The following POLL variants were observed in gnomAD, a reference collection of about 807,000 sequenced individuals.
POLL encodes the protein DNA polymerase lambda.
POLL carries 44 observed loss-of-function variants against 58.1 expected under a neutral mutation model. The ratio of observed to expected loss-of-function variants is 0.76; its 90% CI spans 0.60 to 0.97. The LOEUF is 0.97. Among genes scored for constraint, POLL ranks in the 50% least tolerant of loss-of-function variants. POLL has a pLI of 0.00. For missense variants in POLL, 632 were observed against 736.8 expected, an observed-to-expected ratio of 0.86 and a Z score of 1.65; for synonymous variants, 290 against 283.2, an observed-to-expected ratio of 1.02 and a Z score of -0.24.
rs1229005605 is a variant in POLL at position 101,579,877 on chromosome 10, T to C, written c.1364-60A>G. Reference sequence around the variant, plus strand: ...GAACCAGGCCTGGGCTGTCCCATCCTCCCAGGTCTCTCCTGATGTCTAAGC... The same window carrying C: ...GAACCAGGCCTGGGCTGTCCCATCCCCCCAGGTCTCTCCTGATGTCTAAGC... On this transcript the variant is annotated intron_variant, in intron 8 of 8. Transcript: ENST00000370162. The surrounding 1 kb of genome is among the most constrained non-coding windows in gnomAD (Gnocchi z 4.4). 1.3e-6 allele frequency: 2 copies of C among 1,551,386 alleles called. No homozygotes were observed. The highest frequency in any genetic ancestry group is 2.7e-5 in the African/African-American group (2 of 73,260).
Position 101,588,069 on chromosome 10 carries a change from G to A in POLL, c.-294C>T. ...AGCTGGCGCAGGCCAGGGAATCCCA[G>A]CTCGGGGCTAGAAGAAAGCTGGAGT... is the stretch of plus-strand genomic sequence containing the variant. On this transcript the variant is annotated 5_prime_UTR_variant, in exon 1 of 9. Coordinates refer to ENST00000370162, the MANE Select transcript of POLL (RefSeq NM_001174084.2). 2 of 1,463,418 alleles carry A rather than the reference G, an allele frequency of 1.4e-6. No individual in the cohort carries two copies. Among genetic ancestry groups the A allele is most frequent in the South Asian group, 1.2e-5 (1 of 82,466 alleles). The allele number at this position is 1,463,418 out of a possible 1,614,324, so 90.7% of individuals were successfully genotyped here. A position where few individuals can be genotyped will look rare whatever the true frequency, so the allele number is the denominator to read the frequency against.
rs572080149 is a variant in POLL, at chr10:101,585,783, T to C, written c.410+79A>G. On this transcript the variant is annotated intron_variant, in intron 3 of 8. Transcript: ENST00000370162. The stretch of plus-strand genomic sequence containing the variant: ...GCCTGGCTAATTTTTTAATTAATGA[T>C]AGTTATTTTTAATAATTCAAGAAAA... 2.4e-6 allele frequency: 3 copies of C among 1,249,198 alleles called. No homozygotes were observed. In the African/African-American group the frequency reaches 4.6e-5, roughly 19 times the overall value. 77.4% of individuals were successfully genotyped at this position (1,249,198 alleles called of 1,614,324 possible). A position where few individuals can be genotyped will look rare whatever the true frequency, so the allele number is the denominator to read the frequency against.
At position 101,580,343 on chromosome 10, in the gene POLL, G is replaced by A. The variant is rs142388822; in HGVS notation, c.1268C>T (p.Ala423Val). The change falls in exon 8 of 9, where the codon GCG becomes GTG. Residue 423 changes from alanine to valine, a missense_variant. Coordinates refer to ENST00000370162, the MANE Select transcript of POLL (RefSeq NM_001174084.2). The surrounding 1 kb of genome is among the most constrained non-coding windows in gnomAD (Gnocchi z 4.1). ...VACGSYRRGK[A>V]TCGDVDVLIT... ...GAGCACGTCGACATCACCACAGGTC[G>A]CCTTTCCCCGTCGGTATGAACCACA... is the stretch of plus-strand genomic sequence containing the variant. 3.9e-5 allele frequency: 63 copies of A among 1,614,012 alleles called. No individual in the cohort carries two copies. The highest frequency in any genetic ancestry group is 2.7e-4 in the African/African-American group (20 of 75,046).
Position 101,586,013 on chromosome 10 carries a change from C to T in POLL, c.259G>A (p.Glu87Lys), listed in dbSNP as rs2063308190. ...GPGVTHIVVD[E>K]GMDYERALRL... Reference sequence around the variant, plus strand: ...AGGGCTCGCTCATAGTCCATGCCTTCATCCACCACAATGTGAGTGACACCT... The same window carrying T: ...AGGGCTCGCTCATAGTCCATGCCTTTATCCACCACAATGTGAGTGACACCT... The change falls in exon 3 of 9, where the codon GAA becomes AAA. Residue 87 changes from glutamate (E) to lysine (K), a missense_variant. By Grantham distance (56) the Glu-to-Lys change is moderately conservative. Coordinates refer to ENST00000370162, the MANE Select transcript of POLL (RefSeq NM_001174084.2). 6.2e-7 allele frequency: 1 copy of T among 1,614,006 alleles called. No homozygotes were observed. Among genetic ancestry groups the T allele is most frequent in the Non-Finnish European group, 8.5e-7 (1 of 1,180,034 alleles).
At position 101,586,025 on chromosome 10, in the gene POLL, TGTGA is replaced by T. The variant is rs764072990; in HGVS notation, c.243_246del (p.His82LeufsTer28). On this transcript the variant is annotated frameshift_variant, in exon 3 of 9. Transcript: ENST00000370162. LOFTEE classifies it high-confidence loss of function. ...TAGTCCATGCCTTCATCCACCACAA[TGTGA>T]GTGACACCTGGGCCCTGGGCAGGGC... 1 of 1,614,048 alleles carries T rather than the reference TGTGA, an allele frequency of 6.2e-7. No homozygotes were observed. Among genetic ancestry groups the T allele is most frequent in the Admixed American group, 1.7e-5 (1 of 60,008 alleles).
chr10:101,588,145 G>T lies in POLL; in HGVS notation c.-370C>A, dbSNP rs539201532. On this transcript the variant is annotated 5_prime_UTR_variant, in exon 1 of 9. Coordinates refer to ENST00000370162, the MANE Select transcript of POLL (RefSeq NM_001174084.2). Reference sequence around the variant, plus strand: ...TCCAACCCCCAGAGTCGGTCCCCGGGTGGGGTCGACTACTGGCCAAGCTAG... The same window carrying T: ...TCCAACCCCCAGAGTCGGTCCCCGGTTGGGGTCGACTACTGGCCAAGCTAG... The T allele has an allele frequency of 3.3e-6, 5 of 1,518,050 alleles. No individual in the cohort carries two copies. The highest frequency in any genetic ancestry group is 3.5e-6 in the Non-Finnish European group (4 of 1,134,952). The allele number at this position is 1,518,050 out of a possible 1,614,324, so 94.0% of individuals were successfully genotyped here.
At chr10:101,584,963 A>G in intron 4 of POLL, 44 bp from the exon 5 acceptor site, 1 of 1,240,856 alleles carries the variant, frequency 8.1e-7, no homozygotes, top group Admixed American at 3.6e-5. Flanking sequence ...CTTGTTCTCC[A>G]AGAGAAGGGA....
At chr10:101,581,250 AAGG>A (rs1157875874) in intron 7 of POLL, 1 of 152,170 alleles carries the variant, frequency 6.6e-6, no homozygotes, top group African/African-American at 2.4e-5. Flanking sequence ...AAGAGAATGG[AAGG>A]AGGAGGTCCA....
rs747541255 is a variant in POLL, at chr10:101,584,929, G to C, written c.574-10C>G. 2.9e-6 allele frequency: 4 copies of C among 1,377,262 alleles called. No individual in the cohort carries two copies. Among genetic ancestry groups the C allele is most frequent in the African/African-American group, 1.5e-5 (1 of 68,366 alleles). 85.3% of individuals were successfully genotyped at this position (1,377,262 alleles called of 1,614,324 possible). The stretch of plus-strand genomic sequence containing the variant: ...CATCATCAGAGATGGGCTTGGGATA[G>C]AGAAGAAAAGAAAACAATAAATTCT... On this transcript the variant is annotated splice_polypyrimidine_tract_variant and intron_variant, in intron 4 of 8. Transcript: ENST00000370162.
At position 101,585,850 on chromosome 10, in the gene POLL, G is replaced by A; in HGVS notation, c.410+12C>T. On this transcript the variant is annotated intron_variant, in intron 3 of 8. Coordinates refer to ENST00000370162, the MANE Select transcript of POLL (RefSeq NM_001174084.2). The stretch of plus-strand genomic sequence containing the variant: ...TAGAAAACATTTGAAAAAAAGACTG[G>A]GATCAGCCCACCTACTGGGGATGAA... 6.6e-7 allele frequency: 1 copy of A among 1,519,006 alleles called. No individual in the cohort carries two copies. The highest frequency in any genetic ancestry group is 8.8e-7 in the Non-Finnish European group (1 of 1,130,432). The allele number at this position is 1,519,006 out of a possible 1,614,324, so 94.1% of individuals were successfully genotyped here. A position where few individuals can be genotyped will look rare whatever the true frequency, so the allele number is the denominator to read the frequency against.
At position 101,580,625 on chromosome 10, in the gene POLL, G is replaced by A; in HGVS notation, c.1195-209C>T. 1.8e-6 allele frequency: 1 copy of A among 547,834 alleles called. No homozygotes were observed. Among genetic ancestry groups the A allele is most frequent in the South Asian group, 2.3e-5 (1 of 43,876 alleles). 33.9% of individuals were successfully genotyped at this position (547,834 alleles called of 1,614,324 possible). A position where few individuals can be genotyped will look rare whatever the true frequency, so the allele number is the denominator to read the frequency against. ...AGAAGAAAAAGCTCACTGTGCAGGAGGCAAGCCTGAGGAGAGACGGGAGAA... is the reference window on the plus strand; with the variant it reads ...AGAAGAAAAAGCTCACTGTGCAGGAAGCAAGCCTGAGGAGAGACGGGAGAA... On this transcript the variant is annotated intron_variant, in intron 7 of 8. Transcript: ENST00000370162. This position sits in a 1 kb window ranked among gnomAD's most constrained non-coding sequence, Gnocchi z 4.1.
chr10:101,587,447 T>C (rs762631060), intron 1 of POLL, 41 bp from the exon 2 acceptor site: 1 of 1,573,472 alleles, frequency 6.4e-7, no homozygotes, highest in East Asian at 2.4e-5. Flanking sequence ...CCAACCCCTT[T>C]GCCTATGGAG....
chr10:101,582,635 A>G lies in POLL; in HGVS notation c.1194+128T>C, dbSNP rs912577278. On this transcript the variant is annotated intron_variant, in intron 7 of 8. Transcript: ENST00000370162. Reference sequence around the variant, plus strand: ...TCAGTCTTAACTTGCTCTGTGCTCAACCTCTGGTGATCCACAGTTTCCTCT... The same window carrying G: ...TCAGTCTTAACTTGCTCTGTGCTCAGCCTCTGGTGATCCACAGTTTCCTCT... 16 of 981,018 alleles carry G rather than the reference A, an allele frequency of 1.6e-5. No homozygotes were observed. In the African/African-American group the frequency reaches 2.4e-4, roughly 15 times the overall value. The allele number at this position is 981,018 out of a possible 1,614,324, so 60.8% of individuals were successfully genotyped here.
In POLL at chr10:101,581,959, CG is replaced by C. The variant is rs554874812; in HGVS notation, c.1194+803del. 1.1e-3 allele frequency: 175 copies of C among 152,280 alleles called. 2 individuals carry two copies. The highest frequency in any genetic ancestry group is 4.0e-3 in the African/African-American group (166 of 41,552). The allele number at this position is 152,280 out of a possible 1,614,324, so 9.4% of individuals were successfully genotyped here. A position where few individuals can be genotyped will look rare whatever the true frequency, so the allele number is the denominator to read the frequency against. On this transcript the variant is annotated intron_variant, in intron 7 of 8. Transcript: ENST00000370162. ...AAACTGGGATTATAGGCATGAGCCA[CG>C]GCACCCGCCTAACTTTTTTGTATTT...
Position 101,587,612 on chromosome 10 carries a change from G to A in POLL, c.-46-206C>T, listed in dbSNP as rs2063455125. ...AAGTTGGAGTATTACGGGAAATGAG[G>A]GGAAGGCTGGTGCCATCGGGGGTAC... On this transcript the variant is annotated intron_variant, in intron 1 of 8. Coordinates refer to ENST00000370162, the MANE Select transcript of POLL (RefSeq NM_001174084.2). 1.0e-5 allele frequency: 11 copies of A among 1,077,090 alleles called. No individual in the cohort carries two copies. In the South Asian group the frequency reaches 1.8e-4, roughly 17 times the overall value. 66.7% of individuals were successfully genotyped at this position (1,077,090 alleles called of 1,614,324 possible).
rs538893854 is a variant in POLL at position 101,583,220 on chromosome 10, A to C, written c.1065+288T>G. 2.5e-5 allele frequency: 15 copies of C among 597,394 alleles called. No individual in the cohort carries two copies. In the South Asian group the frequency reaches 3.1e-4, roughly 12 times the overall value. The allele number at this position is 597,394 out of a possible 1,614,324, so 37.0% of individuals were successfully genotyped here. On this transcript the variant is annotated intron_variant, in intron 6 of 8. Transcript: ENST00000370162. Reference sequence around the variant, plus strand: ...TTGGGAACCACTGCTCTAGACACGCAGTGTCAAGGCCTGGCCTCCTCAGGA... The same window carrying C: ...TTGGGAACCACTGCTCTAGACACGCCGTGTCAAGGCCTGGCCTCCTCAGGA...
chr10:101,583,811 G>A, intron 5 of POLL, 130 bp from the exon 6 acceptor site: 1 of 738,462 alleles, frequency 1.4e-6, no homozygotes, highest in Non-Finnish European at 2.3e-6. Flanking sequence ...GCAACTGTGT[G>A]GCTGTGTAAA....
rs1232450725 is a variant in POLL, at chr10:101,586,125, C to T, written c.147G>A (p.Val49=). The T allele has an allele frequency of 6.2e-7, 1 of 1,613,596 alleles. No homozygotes were observed. Among genetic ancestry groups the T allele is most frequent in the Non-Finnish European group, 8.5e-7 (1 of 1,179,916 alleles). ...EWLSSLRAHV[V]RTGIGRARAE... ...CCCGGGCTCGTCCAATGCCAGTGCG[C>T]ACAACATGGGCCCGAAGGGAGCTCA... The change falls in exon 3 of 9, where the codon GTG becomes GTA. Residue 49 remains valine, a synonymous_variant. Transcript: ENST00000370162.
Position 101,585,924 on chromosome 10 carries a change from G to A in POLL, c.348C>T (p.Ser116=). The A allele has an allele frequency of 6.2e-7, 1 of 1,612,502 alleles. No homozygotes were observed. The highest frequency in any genetic ancestry group is 8.5e-7 in the Non-Finnish European group (1 of 1,178,654). Residue 116 remains serine (S), a synonymous_variant, in exon 3 of 9, where the codon AGC becomes AGT. Coordinates refer to ENST00000370162, the MANE Select transcript of POLL (RefSeq NM_001174084.2). Reference sequence around the variant, plus strand: ...CCAGCCTCCTCTCCTGAAGGCACAAGCTCAGCCAGGCTGACTTCACCAGCT... The same window carrying A: ...CCAGCCTCCTCTCCTGAAGGCACAAACTCAGCCAGGCTGACTTCACCAGCT... ...GAQLVKSAWL[S]LCLQERRLVD...
Sources: allele counts gnomAD v4.1 joint callset, GRCh38; gene constraint gnomAD v4.1.1; non-coding constraint Gnocchi (gnomAD v3.1); transcripts MANE v1.5; gene names NCBI Gene and HGNC (gene_info 2026-07-23, HGNC 2026-07-21).